The following PDCD6 variants were observed in gnomAD, a reference collection of about 807,000 sequenced individuals.
The protein encoded by PDCD6 is programmed cell death 6.
PDCD6 carries 12 observed loss-of-function variants against 28.3 expected under a neutral mutation model. The observed-to-expected ratio is 0.42, with a 90% CI of 0.27 to 0.69. PDCD6 has a LOEUF of 0.69. PDCD6 is among the 30% of genes least tolerant of loss of function. The pLI, the probability that PDCD6 is intolerant of heterozygous loss-of-function variation, is 0.22. For synonymous variants in PDCD6, 92 were observed against 108.0 expected, an observed-to-expected ratio of 0.85 and a Z score of 0.92; for missense variants, 226 against 269.9, an observed-to-expected ratio of 0.84 and a Z score of 1.14.
intron 2 of PDCD6, among the ~76,000 whole-genome samples, chr5:285,472 G>C (rs534452256): frequency 6.6e-6 from 1 of 151,522 alleles, no homozygotes; most frequent in African/African-American, 2.4e-5. Flanking sequence ...GAGACCCGGC[G>C]GGGAGCTCAT....
At position 271,683 on chromosome 5, in the gene PDCD6, C is replaced by T. The variant is rs573443710; in HGVS notation, c.-38C>T. 2.2e-5 allele frequency: 27 copies of T among 1,252,050 alleles called. No homozygotes were observed. Among genetic ancestry groups the T allele is most frequent in the South Asian group, 1.0e-4 (8 of 78,896 alleles). 77.6% of individuals were successfully genotyped at this position (1,252,050 alleles called of 1,614,324 possible). On this transcript the variant is annotated 5_prime_UTR_variant, in exon 1 of 6. Coordinates refer to ENST00000264933, the MANE Select transcript of PDCD6 (RefSeq NM_013232.4). ...GGAGTCGGCCTGAGAGGTCTCTCGT[C>T]GCTGCAGGCGCCTCAGCCCAGCCGC...
At position 289,439 on chromosome 5, in the gene PDCD6, C is replaced by T. The variant is rs375210156; in HGVS notation, c.164-14738C>T. On this transcript the variant is annotated intron_variant, in intron 2 of 5. Coordinates refer to ENST00000264933, the MANE Select transcript of PDCD6 (RefSeq NM_013232.4). The stretch of plus-strand genomic sequence containing the variant: ...TTCTTCCTCTTCATCCTCTTCTGTA[C>T]GCGCTGCCGGGTACAACGGCTTTCT... The T allele has an allele frequency of 6.8e-4, 469 of 689,870 alleles. 4 individuals carry two copies. The East Asian group carries it at 9.8e-3, about 14-fold the overall frequency. 42.7% of individuals were successfully genotyped at this position (689,870 alleles called of 1,614,324 possible). A position where few individuals can be genotyped will look rare whatever the true frequency, so the allele number is the denominator to read the frequency against.
At position 281,166 on chromosome 5, in the gene PDCD6, G is replaced by A. The variant is rs187567622; in HGVS notation, c.163+8394G>A. On this transcript the variant is annotated intron_variant, in intron 2 of 5. Coordinates refer to ENST00000264933, the MANE Select transcript of PDCD6 (RefSeq NM_013232.4). ...TAGATTGCAAGGCTAATGGAAAGTAGAAAAGTTAACTCATGAACATAAAAG... is the reference window on the plus strand; with the variant it reads ...TAGATTGCAAGGCTAATGGAAAGTAAAAAAGTTAACTCATGAACATAAAAG... Among the ~76,000 whole-genome samples, 870 of 152,360 alleles carry A rather than the reference G, an allele frequency of 5.7e-3. 10 individuals carry two copies. Among genetic ancestry groups the A allele is most frequent in the African/African-American group, 0.02 (818 of 41,582 alleles).
At position 271,686 on chromosome 5, in the gene PDCD6, T is replaced by C. The variant is rs2126669084; in HGVS notation, c.-35T>C. The C allele has an allele frequency of 2.3e-6, 3 of 1,290,004 alleles. No individual in the cohort carries two copies. Among genetic ancestry groups the C allele is most frequent in the Middle Eastern group, 1.8e-4 (1 of 5,530 alleles). The allele number at this position is 1,290,004 out of a possible 1,614,324, so 79.9% of individuals were successfully genotyped here. On this transcript the variant is annotated 5_prime_UTR_variant, in exon 1 of 6. Transcript: ENST00000264933. Reference sequence around the variant, plus strand: ...GTCGGCCTGAGAGGTCTCTCGTCGCTGCAGGCGCCTCAGCCCAGCCGCGTG... The same window carrying C: ...GTCGGCCTGAGAGGTCTCTCGTCGCCGCAGGCGCCTCAGCCCAGCCGCGTG...
rs1740559190 is a variant in PDCD6 at position 307,201 on chromosome 5, ACG to A, written c.367+444_367+445del. Among the ~76,000 whole-genome samples the A allele has an allele frequency of 6.6e-6, 1 of 150,962 alleles. No homozygotes were observed. ...CGCCTCAGAAGGGGCGTTAGGCAGAACGCGTGCCCATTCTCAGGTGTGCTCGG... is the reference window on the plus strand; with the variant it reads ...CGCCTCAGAAGGGGCGTTAGGCAGAACGTGCCCATTCTCAGGTGTGCTCGG... On this transcript the variant is annotated intron_variant, in intron 4 of 5. Transcript: ENST00000264933. The surrounding 1 kb of genome is among the most constrained non-coding windows in gnomAD (Gnocchi z 6.1).
chr5:300,989 G>A (rs1287002555), intron 2 of PDCD6, among the ~76,000 whole-genome samples: 2 of 152,196 alleles, frequency 1.3e-5, no homozygotes, highest in African/African-American at 2.4e-5. Flanking sequence ...CCCTGTGCCT[G>A]CGCTGCGGCG....
intron 3 of PDCD6, 26 bp from the exon 4 acceptor site, chr5:306,576 T>C: frequency 6.2e-7 from 1 of 1,608,912 alleles, no homozygotes; most frequent in East Asian, 2.2e-5. Context: ...GATCTTTTGC[T>C]GCTTGACCGT....
chr5:286,674 G>A (rs1374184321), intron 2 of PDCD6, among the ~76,000 whole-genome samples: 1 of 148,722 alleles, frequency 6.7e-6, no homozygotes, highest in Non-Finnish European at 1.5e-5. Context: ...TGATGTTCCC[G>A]TTGGAGAGCC....
chr5:302,247 A>G (rs1433186460), intron 2 of PDCD6, among the ~76,000 whole-genome samples: 73 of 101,168 alleles, frequency 7.2e-4, no homozygotes, highest in Middle Eastern at 0.02. Context: ...CCTTTGTGGT[A>G]AGAGCACAGC....
At chr5:273,948 T>A (rs1311033473) in intron 2 of PDCD6, among the ~76,000 whole-genome samples, 1 of 150,730 alleles carries the variant, frequency 6.6e-6, no homozygotes, top group Non-Finnish European at 1.5e-5. Context: ...TTTTTTTTTT[T>A]TATTTGCATC....
At chr5:293,168 C>T (rs1313406189) in intron 2 of PDCD6, among the ~76,000 whole-genome samples, 1 of 152,236 alleles carries the variant, frequency 6.6e-6, no homozygotes, top group African/African-American at 2.4e-5. Flanking sequence ...GCCCACAGGA[C>T]CCCCTGATGG....
chr5:293,276 C>G (rs1739420555), intron 2 of PDCD6, among the ~76,000 whole-genome samples: 1 of 151,844 alleles, frequency 6.6e-6, no homozygotes, highest in Non-Finnish European at 1.5e-5. Flanking sequence ...CTGCAAACAC[C>G]CACGATACTG....
At chr5:299,235 C>A (rs1442061479) in intron 2 of PDCD6, among the ~76,000 whole-genome samples, 2 of 33,068 alleles carry the variant, frequency 6.0e-5, no homozygotes, top group African/African-American at 1.9e-4. Context: ...GTTCCCCCTC[C>A]GCTGCTCCCC....
At position 306,706 on chromosome 5, in the gene PDCD6, G is replaced by A. The variant is rs1740515198; in HGVS notation, c.313G>A (p.Asp105Asn). The part of the protein sequence containing the change: ...WQNVFRTYDR[D>N]NSGMIDKNEL... ...GAACGTCTTCCGCACGTACGACCGG[G>A]ACAACTCCGGGATGATCGATAAGAA... is the stretch of plus-strand genomic sequence containing the variant. Residue 105 changes from aspartate to asparagine, a missense_variant, in exon 4 of 6, where the codon GAC becomes AAC. Physicochemically the swap from Asp to Asn is conservative, Grantham distance 23. This residue lies in a region of PDCD6 where 151 missense variants were observed against 177.2 expected (regional missense o/e 0.85). Coordinates refer to ENST00000264933, the MANE Select transcript of PDCD6 (RefSeq NM_013232.4). 1.2e-6 allele frequency: 2 copies of A among 1,613,942 alleles called. No individual in the cohort carries two copies. The highest frequency in any genetic ancestry group is 1.3e-5 in the African/African-American group (1 of 74,922).
In PDCD6 at chr5:306,609, TG is replaced by T. The variant is rs1740504945; in HGVS notation, c.217del (p.Asp73ThrfsTer8). Reference sequence around the variant, plus strand: ...CGTTCCTCTCTGTCTCAGCCATGTTTGACCGTGAGAACAAGGCCGGCGTGAA... The same window carrying T: ...CGTTCCTCTCTGTCTCAGCCATGTTTACCGTGAGAACAAGGCCGGCGTGAA... ...VTVRSIISMF[D>X]RENKAGVNFS... On this transcript the variant is annotated frameshift_variant, in exon 4 of 6. Transcript: ENST00000264933. LOFTEE classifies it high-confidence loss of function. The T allele has an allele frequency of 6.2e-7, 1 of 1,613,524 alleles. No individual in the cohort carries two copies. Among genetic ancestry groups the T allele is most frequent in the Non-Finnish European group, 8.5e-7 (1 of 1,179,792 alleles).
At chr5:303,297 T>TAAAAA (rs34022166) in intron 2 of PDCD6, among the ~76,000 whole-genome samples, 72 of 129,242 alleles carry the variant, frequency 5.6e-4, no homozygotes, top group South Asian at 1.8e-3. Context: ...TTTTTGTGCA[T>TAAAAA]AAAAAAAAAA....
intron 3 of PDCD6, 65 bp from the exon 4 acceptor site, chr5:306,537 G>C (rs1740498532): frequency 6.3e-7 from 1 of 1,575,864 alleles, no homozygotes; most frequent in African/African-American, 1.3e-5. Flanking sequence ...GAGGTCTGGT[G>C]GGAAGCCTCA....
chr5:311,474 C>T lies in PDCD6; in HGVS notation c.477+72C>T. On this transcript the variant is annotated intron_variant, in intron 5 of 5. Transcript: ENST00000264933. Reference sequence around the variant, plus strand: ...TTGCTTGCCAGCGTGATGCACCTGACCTTCAATCTAAGGAGCTGGGCATGT... The same window carrying T: ...TTGCTTGCCAGCGTGATGCACCTGATCTTCAATCTAAGGAGCTGGGCATGT... 3.1e-6 allele frequency: 3 copies of T among 972,578 alleles called. No individual in the cohort carries two copies. The South Asian group carries it at 4.0e-5, about 13-fold the overall frequency. The allele number at this position is 972,578 out of a possible 1,614,324, so 60.2% of individuals were successfully genotyped here.
intron 5 of PDCD6, among the ~76,000 whole-genome samples, chr5:312,773 GCACTCCAGCCTGGGTGA>G (rs1441045112): frequency 3.3e-5 from 5 of 152,156 alleles, no homozygotes; most frequent in Non-Finnish European, 7.3e-5. Context: ...TCACACCACT[GCACTCCAGCCTGGGTGA>G]CAGAGCCAGA....
Sources: gnomAD v4.1 joint callset for allele counts (sites outside exome capture counted in the v4.1 genomes callset) on GRCh38, gnomAD v4.1.1 for gene constraint, gnomAD v4.1.1 regional missense constraint, Gnocchi (gnomAD v3.1) non-coding constraint, MANE v1.5 for transcripts, NCBI Gene and HGNC (gene_info 2026-07-23, HGNC 2026-07-21) for gene names.